RUVBL1: variants seen among roughly 807,000 people sequenced by gnomAD.
RUVBL1 encodes RuvB like AAA ATPase 1.
Under a neutral mutation model 52.4 loss-of-function variants are expected in RUVBL1, and 4 were observed. That is an observed-to-expected ratio of 0.08 (90% CI 0.04 to 0.17). The LOEUF (loss-of-function observed/expected upper bound fraction) is 0.17, where lower values mean the gene tolerates loss of function less well. RUVBL1 is among the 10% of genes least tolerant of loss of function. The pLI is 1.00. For synonymous variants in RUVBL1, 217 were observed against 214.4 expected (o/e 1.01, Z -0.10); for missense variants, 298 against 572.8 (o/e 0.52, Z 4.90).
intron 8 of RUVBL1, among the ~76,000 whole-genome samples, chr3:128,093,417 G>T (rs140890611): frequency 2.2e-4 from 33 of 151,488 alleles, no homozygotes; most frequent in African/African-American, 6.8e-4. Flanking sequence ...CGTGGTGATG[G>T]TTGCACAACT....
chr3:128,109,279 C>A (rs548697909), intron 3 of RUVBL1, among the ~76,000 whole-genome samples: 87 of 152,244 alleles, frequency 5.7e-4, no homozygotes, highest in African/African-American at 2.1e-3. Context: ...GGTGTAGTGG[C>A]TCACTCCTAT....
At chr3:128,150,692 TTATATATTCTA>T (rs1462382383) in intron 1 of RUVBL1, among the ~76,000 whole-genome samples, 2 of 128,318 alleles carry the variant, frequency 1.6e-5, no homozygotes, top group Non-Finnish European at 3.1e-5. Flanking sequence ...ATTCTATATA[TTATATATTCTA>T]TATATATTCT....
At chr3:128,113,205 C>T in intron 2 of RUVBL1, among the ~76,000 whole-genome samples, 185 bp from the exon 3 acceptor site, 1 of 152,206 alleles carries the variant, frequency 6.6e-6, no homozygotes, top group Non-Finnish European at 1.5e-5. Flanking sequence ...AATGGCATCT[C>T]TTATCTTCCC....
chr3:128,089,688 C>T (rs568103861), intron 8 of RUVBL1, among the ~76,000 whole-genome samples: 29 of 151,896 alleles, frequency 1.9e-4, no homozygotes, highest in Non-Finnish European at 3.4e-4. Flanking sequence ...AATAAGTCAC[C>T]GACAAAAGAA....
chr3:128,123,791 G>C lies in RUVBL1; in HGVS notation c.-67C>G, dbSNP rs960983560. The C allele has an allele frequency of 3.3e-6, 5 of 1,505,852 alleles. No homozygotes were observed. The highest frequency in any genetic ancestry group is 1.4e-5 in the African/African-American group (1 of 72,232). The allele number at this position is 1,505,852 out of a possible 1,614,324, so 93.3% of individuals were successfully genotyped here. On this transcript the variant is annotated 5_prime_UTR_variant, in exon 1 of 11. Transcript: ENST00000322623. ...AGCTAGGACAGTGCGCCCGGCGCCTGAGTTACCATGCGGCCGTTACTAGGG... is the reference window on the plus strand; with the variant it reads ...AGCTAGGACAGTGCGCCCGGCGCCTCAGTTACCATGCGGCCGTTACTAGGG...
At chr3:128,149,307 C>A (rs893817562) in intron 1 of RUVBL1, among the ~76,000 whole-genome samples, 1 of 151,882 alleles carries the variant, frequency 6.6e-6, no homozygotes, top group African/African-American at 2.4e-5. Flanking sequence ...GCCTCAGCCT[C>A]CCGAGCAGTT....
At chr3:128,127,397 G>A (rs1943808387), upstream of RUVBL1, among the ~76,000 whole-genome samples, 2 of 151,962 alleles carry the variant, frequency 1.3e-5, no homozygotes, top group Non-Finnish European at 2.9e-5. Context: ...TCACTCCCAC[G>A]ACCCTCTCAT....
intron 8 of RUVBL1, among the ~76,000 whole-genome samples, chr3:128,093,694 C>T (rs1391009887): frequency 6.6e-6 from 1 of 152,156 alleles, no homozygotes; most frequent in African/African-American, 2.4e-5. Flanking sequence ...GCTGGGCTCT[C>T]ATCTAACAGT....
chr3:128,138,591 G>GA (rs151030287), intron 1 of RUVBL1, among the ~76,000 whole-genome samples: 3 of 152,014 alleles, frequency 2.0e-5, no homozygotes, highest in South Asian at 4.1e-4. Flanking sequence ...TTTATGAATT[G>GA]AAAAAATCAA....
At chr3:128,096,344 A>G (rs1942968965) in intron 8 of RUVBL1, among the ~76,000 whole-genome samples, 1 of 152,254 alleles carries the variant, frequency 6.6e-6, no homozygotes, top group African/African-American at 2.4e-5. Flanking sequence ...GAGAGTGCTT[A>G]GGAGAAAAAG....
At chr3:128,142,714 A>T (rs1391217119) in intron 1 of RUVBL1, among the ~76,000 whole-genome samples, 1 of 152,104 alleles carries the variant, frequency 6.6e-6, no homozygotes, top group African/African-American at 2.4e-5. Context: ...TTCCACCTTC[A>T]AAGCCAAAAA....
chr3:128,088,585 C>A (rs995120976), intron 8 of RUVBL1, among the ~76,000 whole-genome samples: 2 of 148,276 alleles, frequency 1.3e-5, no homozygotes, highest in Non-Finnish European at 3.0e-5. Context: ...TGTTTTTTTT[C>A]ATGTTGCTTC....
At chr3:128,128,105 A>T (rs1005681069), upstream of RUVBL1, among the ~76,000 whole-genome samples, 1 of 152,116 alleles carries the variant, frequency 6.6e-6, no homozygotes, top group Non-Finnish European at 1.5e-5. Flanking sequence ...TGATCCTCCC[A>T]TCTCAGCCTC....
intron 1 of RUVBL1, among the ~76,000 whole-genome samples, chr3:128,133,261 T>C (rs1943906868): frequency 6.6e-6 from 1 of 152,168 alleles, no homozygotes; most frequent in South Asian, 2.1e-4. Context: ...GGTTTCTGAC[T>C]CCAGGCCCCA....
In RUVBL1 at chr3:128,153,837, G is replaced by A. The variant is rs747378694; in HGVS notation, c.-674C>T. On this transcript the variant is annotated 5_prime_UTR_variant, in exon 1 of 10. Transcript: ENST00000464873. Reference sequence around the variant, plus strand: ...CCATCATCGGCGGTGAGCGCGGGCCGGGGCGGGAGCCGGGCTCAGGGACGC... The same window carrying A: ...CCATCATCGGCGGTGAGCGCGGGCCAGGGCGGGAGCCGGGCTCAGGGACGC... 10 of 1,498,972 alleles carry A rather than the reference G, an allele frequency of 6.7e-6. No homozygotes were observed. The South Asian group carries it at 8.8e-5, about 13-fold the overall frequency. The allele number at this position is 1,498,972 out of a possible 1,614,324, so 92.9% of individuals were successfully genotyped here.
intron 1 of RUVBL1, among the ~76,000 whole-genome samples, chr3:128,129,018 C>G (rs1943837210): frequency 6.6e-6 from 1 of 152,156 alleles, no homozygotes; most frequent in African/African-American, 2.4e-5. Flanking sequence ...TCTCCCTCCT[C>G]CCCCTCCTAA....
chr3:128,150,771 TTA>T (rs1425318851), intron 1 of RUVBL1, among the ~76,000 whole-genome samples: 1 of 110,522 alleles, frequency 9.0e-6, no homozygotes, highest in African/African-American at 3.7e-5. Context: ...ATTCTATATA[TTA>T]TATATTCTAT....
exon 1 of RUVBL1, chr3:128,153,617 A>G: frequency 2.5e-6 from 4 of 1,596,504 alleles, no homozygotes; most frequent in Non-Finnish European, 3.4e-6. Context: ...GCCGCCTTTG[A>G]CAAGCAGCCG....
downstream of RUVBL1, among the ~76,000 whole-genome samples, chr3:128,080,400 G>T (rs1942436522): frequency 6.6e-6 from 1 of 152,134 alleles, no homozygotes; most frequent in South Asian, 2.1e-4. Context: ...TCCTTCCAAA[G>T]AATTCAGTAT....
Sources: gnomAD v4.1 joint callset for allele counts (sites outside exome capture counted in the v4.1 genomes callset) on GRCh38, gnomAD v4.1.1 for gene constraint, MANE v1.5 for transcripts, NCBI Gene and HGNC (gene_info 2026-07-23, HGNC 2026-07-21) for gene names.